The following CAMTA1 variants were observed in gnomAD, a reference collection of about 807,000 sequenced individuals.
The protein encoded by CAMTA1 is calmodulin binding transcription activator 1, also known as calmodulin-binding transcription activator 1.
A neutral mutation model predicts 170.9 loss-of-function variants in CAMTA1; 27 were observed. The observed-to-expected ratio is 0.16, with a 90% CI of 0.12 to 0.22. The LOEUF is 0.22. Ranked by LOEUF, CAMTA1 falls within the 10% of genes least tolerant of loss-of-function variation. The pLI is 1.00. For missense variants in CAMTA1, 1,619 were observed against 2,217.2 expected (o/e 0.73, Z 5.42); for synonymous variants, 833 against 891.5 (o/e 0.93, Z 1.17).
intron 3 of CAMTA1, among the ~76,000 whole-genome samples, chr1:7,027,244 A>G (rs1376063940): frequency 6.6e-6 from 1 of 152,250 alleles, no homozygotes; most frequent in Non-Finnish European, 1.5e-5. Flanking sequence ...GGATACACAC[A>G]TCACTCACTA....
chr1:7,391,299 A>G (rs1179199487), intron 5 of CAMTA1, among the ~76,000 whole-genome samples: 2 of 150,416 alleles, frequency 1.3e-5, no homozygotes, highest in Admixed American at 6.6e-5. Flanking sequence ...ACCCGGCTGT[A>G]TCTGGATGTT....
At chr1:7,117,542 A>C (rs1320767326) in intron 4 of CAMTA1, among the ~76,000 whole-genome samples, 2 of 152,074 alleles carry the variant, frequency 1.3e-5, no homozygotes, top group African/African-American at 4.8e-5. Context: ...GCCATGGATG[A>C]CTTCCAGTTA....
chr1:7,712,656 G>A (rs967170150), intron 11 of CAMTA1, among the ~76,000 whole-genome samples: 1 of 152,196 alleles, frequency 6.6e-6, no homozygotes, highest in African/African-American at 2.4e-5. Context: ...CAAAGAGAGT[G>A]AAAGAAATCT....
chr1:6,838,094 G>A (rs1292457429), intron 3 of CAMTA1, among the ~76,000 whole-genome samples: 2 of 152,106 alleles, frequency 1.3e-5, no homozygotes, highest in Admixed American at 1.3e-4. Context: ...AGTGTCCAGG[G>A]ACTGTTCATT....
intron 3 of CAMTA1, among the ~76,000 whole-genome samples, chr1:6,834,923 G>T (rs1652289603): frequency 6.6e-6 from 1 of 152,162 alleles, no homozygotes; most frequent in African/African-American, 2.4e-5. Context: ...ATGGGTGGGA[G>T]CTCCCGCCCA....
chr1:6,924,720 T>G (rs1682744136), intron 3 of CAMTA1, among the ~76,000 whole-genome samples: 1 of 152,244 alleles, frequency 6.6e-6, no homozygotes, highest in African/African-American at 2.4e-5. Flanking sequence ...TTTATAAACT[T>G]TAAAAAATGC....
chr1:7,459,396 G>A (rs1381365397), intron 5 of CAMTA1, among the ~76,000 whole-genome samples: 1 of 152,158 alleles, frequency 6.6e-6, no homozygotes, highest in Non-Finnish European at 1.5e-5. Context: ...GGGTACCCTG[G>A]GGAGCAATAG....
chr1:7,359,425 G>A (rs2085374124), intron 5 of CAMTA1, among the ~76,000 whole-genome samples: 1 of 152,150 alleles, frequency 6.6e-6, no homozygotes, highest in South Asian at 2.1e-4. Context: ...TTTTCTCTTG[G>A]CCTCTTTGGT....
At chr1:7,525,285 C>G (rs1309715248) in intron 6 of CAMTA1, among the ~76,000 whole-genome samples, 1 of 151,568 alleles carries the variant, frequency 6.6e-6, no homozygotes, top group Admixed American at 6.6e-5. Context: ...CATCTCACCC[C>G]CCTACACACA....
chr1:7,567,079 C>A (rs1241335937), intron 6 of CAMTA1, among the ~76,000 whole-genome samples: 1 of 152,190 alleles, frequency 6.6e-6, no homozygotes, highest in Non-Finnish European at 1.5e-5. Flanking sequence ...AGCTGAGTGA[C>A]CTTGGGGACG....
At chr1:7,513,901 G>A (rs532464404) in intron 6 of CAMTA1, among the ~76,000 whole-genome samples, 238 of 152,160 alleles carry the variant, frequency 1.6e-3, no homozygotes, top group African/African-American at 5.4e-3. Flanking sequence ...CAGCCTGGGC[G>A]ACAAGAGTGA....
intron 7 of CAMTA1, among the ~76,000 whole-genome samples, chr1:7,651,698 G>A (rs9434498): frequency 0.93 from 141,877 of 152,370 alleles, 66,121 homozygotes; most frequent in East Asian, 1. Flanking sequence ...ATAGGGCCCA[G>A]TGGCATACAG....
rs1666240105 is a variant in CAMTA1 at position 7,248,957 on chromosome 1, C to T, written c.303-534C>T. 1.3e-5 allele frequency among the ~76,000 whole-genome samples: 2 copies of T among 152,174 alleles called. No individual in the cohort carries two copies. The highest frequency in any genetic ancestry group is 2.9e-5 in the Non-Finnish European group (2 of 68,038). On this transcript the variant is annotated intron_variant, in intron 4 of 22. Transcript: ENST00000303635. The surrounding 1 kb of genome is among the most constrained non-coding windows in gnomAD (Gnocchi z 4.0). ...ACCGCAGATGCTCTTTCATATCTAG[C>T]AGTAATCTAAATGCAGGCAATGAAC...
chr1:7,211,637 A>G (rs551299699), intron 4 of CAMTA1, among the ~76,000 whole-genome samples: 5 of 152,232 alleles, frequency 3.3e-5, no homozygotes, highest in Non-Finnish European at 7.4e-5. Context: ...AAAATGTCCC[A>G]AGGTCGCCTT....
chr1:6,926,597 CCTCT>C (rs1464189907), intron 3 of CAMTA1, among the ~76,000 whole-genome samples: 1 of 130,824 alleles, frequency 7.6e-6, no homozygotes. Flanking sequence ...CCTTTCCTTT[CCTCT>C]CTCTCTCATT....
chr1:7,260,855 A>G, intron 5 of CAMTA1, among the ~76,000 whole-genome samples: 1 of 152,222 alleles, frequency 6.6e-6, no homozygotes, highest in Non-Finnish European at 1.5e-5. Context: ...ACAGTTTATG[A>G]TGGATGCGAG....
intron 6 of CAMTA1, among the ~76,000 whole-genome samples, chr1:7,488,991 C>G (rs779716983): frequency 6.6e-6 from 1 of 152,176 alleles, no homozygotes; most frequent in African/African-American, 2.4e-5. Context: ...ACACACGCTG[C>G]CACCCCCAGC....
At chr1:7,509,953 C>G (rs2094178459) in intron 6 of CAMTA1, among the ~76,000 whole-genome samples, 1 of 151,642 alleles carries the variant, frequency 6.6e-6, no homozygotes, top group East Asian at 1.9e-4. Flanking sequence ...TACCCTGACT[C>G]TCAGTGACCA....
At chr1:7,667,539 G>A (rs1018902261) in intron 9 of CAMTA1, among the ~76,000 whole-genome samples, 2 of 152,164 alleles carry the variant, frequency 1.3e-5, no homozygotes, top group African/African-American at 4.8e-5. Context: ...ATGTCTTGCA[G>A]AAGCCAGGAG....
Sources: allele counts gnomAD v4.1 joint callset (sites outside exome capture counted in the v4.1 genomes callset), GRCh38; gene constraint gnomAD v4.1.1; non-coding constraint Gnocchi (gnomAD v3.1); transcripts MANE v1.5; gene names NCBI Gene and HGNC (gene_info 2026-07-23, HGNC 2026-07-21).